RNF17: variants seen among roughly 807,000 people sequenced by gnomAD.
RNF17 encodes spermatogenesis associated 23.
A neutral mutation model predicts 200.5 loss-of-function variants in RNF17; 31 were observed. The observed-to-expected ratio is 0.15, with a 90% confidence interval of 0.12 to 0.21. The LOEUF (loss-of-function observed/expected upper bound fraction) is 0.21, where lower values mean the gene tolerates loss of function less well. Among genes scored for constraint, RNF17 ranks in the 10% least tolerant of loss-of-function variants. The pLI is 1.00. For synonymous variants in RNF17, 606 were observed against 637.8 expected, an observed-to-expected ratio of 0.95 and a Z score of 0.75; for missense variants, 1,628 against 1,905.1, an observed-to-expected ratio of 0.85 and a Z score of 2.71.
chr13:24,845,930 TGAAAG>T (rs890824674), intron 22 of RNF17, among the ~76,000 whole-genome samples: 1 of 151,996 alleles, frequency 6.6e-6, no homozygotes, highest in African/African-American at 2.4e-5. Flanking sequence ...AAGATCCAGA[TGAAAG>T]GAGGGGAAAG....
At position 24,825,712 on chromosome 13, in the gene RNF17, C is replaced by A. The variant is rs1834665840; in HGVS notation, c.2185C>A (p.Gln729Lys). The A allele has an allele frequency of 5.6e-6, 9 of 1,613,594 alleles. No individual in the cohort carries two copies. The highest frequency in any genetic ancestry group is 7.6e-6 in the Non-Finnish European group (9 of 1,179,690). Residue 729 changes from glutamine (Q) to lysine (K), a missense_variant, in exon 16 of 36, where the codon CAA (glutamine) becomes AAA (lysine). Gln to Lys is a moderately conservative substitution (Grantham distance 53). Coordinates refer to ENST00000255324, the MANE Select transcript of RNF17 (RefSeq NM_031277.3). Reference protein sequence around the residue: ...GENLEILCPVQDQACVAKFED... With the variant: ...GENLEILCPVKDQACVAKFED... ...AAATCTGGAAATCCTCTGTCCAGTTCAAGATCAAGCCTGTGTAGCTAAATT... is the reference window on the plus strand; with the variant it reads ...AAATCTGGAAATCCTCTGTCCAGTTAAAGATCAAGCCTGTGTAGCTAAATT...
intron 29 of RNF17, 104 bp downstream of exon 29, chr13:24,865,102 A>G: frequency 1.2e-6 from 1 of 854,176 alleles, no homozygotes; most frequent in Non-Finnish European, 1.8e-6. Flanking sequence ...TACATATCTG[A>G]TCTATTAAGA....
At chr13:24,830,426 A>G in intron 16 of RNF17, 58 bp from the exon 17 acceptor site, 1 of 1,056,850 alleles carries the variant, frequency 9.5e-7, no homozygotes, top group South Asian at 1.4e-5. Flanking sequence ...ACCAATCTAA[A>G]TTTTTCTAGA....
chr13:24,786,482 C>G (rs1883125096), intron 6 of RNF17, among the ~76,000 whole-genome samples: 1 of 152,060 alleles, frequency 6.6e-6, no homozygotes, highest in Admixed American at 6.5e-5. Context: ...ATGTATTTAC[C>G]TTTACCAGAG....
At chr13:24,818,331 G>C (rs951980609) in intron 15 of RNF17, among the ~76,000 whole-genome samples, 1 of 151,442 alleles carries the variant, frequency 6.6e-6, no homozygotes, top group Non-Finnish European at 1.5e-5. Flanking sequence ...TGGCCTTGTA[G>C]GAAAAAAAAA....
intron 22 of RNF17, among the ~76,000 whole-genome samples, chr13:24,847,347 TTA>T (rs200713763): frequency 0.02 from 1,844 of 92,074 alleles, 16 homozygotes; most frequent in African/African-American, 0.031. Flanking sequence ...ATTTATTTAT[TTA>T]TTTTTTTTTT....
chr13:24,883,646 G>A (rs1469846762), downstream of RNF17, among the ~76,000 whole-genome samples: 1 of 152,112 alleles, frequency 6.6e-6, no homozygotes, highest in Non-Finnish European at 1.5e-5. Context: ...TATATTAAAA[G>A]GGACCCTTCT....
At chr13:24,803,460 G>C (rs545089670) in intron 14 of RNF17, among the ~76,000 whole-genome samples, 2 of 151,990 alleles carry the variant, frequency 1.3e-5, no homozygotes, top group Non-Finnish European at 2.9e-5. Flanking sequence ...CACCACTCCC[G>C]GCTAATTTTT....
chr13:24,886,025 T>C, the RNF17 span: 1 of 376,572 alleles, frequency 2.7e-6, no homozygotes, highest in South Asian at 2.2e-5. Context: ...ACTGGGTATT[T>C]AGTTAAAACA....
intron 24 of RNF17, among the ~76,000 whole-genome samples, chr13:24,852,390 G>A (rs532517555): frequency 0.011 from 1,740 of 152,034 alleles, 75 homozygotes; most frequent in Admixed American, 0.081. Context: ...TGCCCGCCTT[G>A]GCCTCCCAAA....
At position 24,866,723 on chromosome 13, in the gene RNF17, G is replaced by A. The variant is rs1415685137; in HGVS notation, c.4161+520G>A. 2.0e-5 allele frequency among the ~76,000 whole-genome samples: 3 copies of A among 148,534 alleles called. No individual in the cohort carries two copies. In the East Asian group the frequency reaches 6.0e-4, roughly 29 times the overall value. ...CCTTATGGTGGTTGCGAGTAATGCT[G>A]CTGTCTGATCAGGTACAAGTTTTTA... On this transcript the variant is annotated intron_variant, in intron 30 of 35. Coordinates refer to ENST00000255324, the MANE Select transcript of RNF17 (RefSeq NM_031277.3).
chr13:24,858,106 G>A (rs1306610463), intron 25 of RNF17, among the ~76,000 whole-genome samples: 1 of 152,144 alleles, frequency 6.6e-6, no homozygotes, highest in Non-Finnish European at 1.5e-5. Context: ...AGGGCTTAGT[G>A]TCATTGGCTC....
intron 25 of RNF17, among the ~76,000 whole-genome samples, chr13:24,858,664 T>C (rs2138290469): frequency 6.6e-6 from 1 of 151,746 alleles, no homozygotes; most frequent in East Asian, 1.9e-4. Flanking sequence ...ATTGCCATCA[T>C]CATACTGTAT....
At chr13:24,847,355 T>A (rs994742634) in intron 22 of RNF17, among the ~76,000 whole-genome samples, 57 of 143,568 alleles carry the variant, frequency 4.0e-4, no homozygotes, top group African/African-American at 1.5e-3. Context: ...ATTTATTTTT[T>A]TTTTTTTTGA....
At chr13:24,886,484 A>C in the RNF17 span, 1 of 571,086 alleles carries the variant, frequency 1.8e-6, no homozygotes, top group Non-Finnish European at 3.0e-6. Flanking sequence ...CAATGTAACT[A>C]ATAGATCCAG....
At chr13:24,883,166 CAT>C, downstream of RNF17, 3 of 1,611,398 alleles carry the variant, frequency 1.9e-6, no homozygotes, top group Non-Finnish European at 8.5e-7. Context: ...TTCATGATCA[CAT>C]GAGGATCGTC....
chr13:24,881,813 TATCTATATAGATAC>T (rs1258641521), downstream of RNF17, among the ~76,000 whole-genome samples: 4 of 98,316 alleles, frequency 4.1e-5, no homozygotes, highest in African/African-American at 9.6e-5. Flanking sequence ...TCTAGATATC[TATCTATATAGATAC>T]ATCTATATAG....
At chr13:24,871,369 G>A (rs1417384604) in intron 32 of RNF17, among the ~76,000 whole-genome samples, 1 of 152,132 alleles carries the variant, frequency 6.6e-6, no homozygotes, top group African/African-American at 2.4e-5. Flanking sequence ...ACAGAGTCTC[G>A]TTTTGTCGCC....
chr13:24,876,781 G>A (rs918964611), intron 33 of RNF17, among the ~76,000 whole-genome samples: 31 of 152,002 alleles, frequency 2.0e-4, no homozygotes, highest in Admixed American at 6.6e-5. Context: ...TTTTTGTTCC[G>A]TTGTGTCCTT....
Sources: allele counts gnomAD v4.1 joint callset (sites outside exome capture counted in the v4.1 genomes callset), GRCh38; gene constraint gnomAD v4.1.1; transcripts MANE v1.5; gene names NCBI Gene and HGNC (gene_info 2026-07-23, HGNC 2026-07-21).